The following IL7 variants were observed in gnomAD, a reference collection of about 807,000 sequenced individuals.
IL7 encodes interleukin-7.
IL7 carries 3 observed loss-of-function variants against 21.6 expected under a neutral mutation model. That is an observed-to-expected ratio of 0.14 (90% CI 0.06 to 0.36). The LOEUF (loss-of-function observed/expected upper bound fraction) is 0.36. Ranked by LOEUF, IL7 falls within the 10% of genes least tolerant of loss-of-function variation. IL7 has a pLI of 1.00. For synonymous variants in IL7, 62 were observed against 68.1 expected, an observed-to-expected ratio of 0.91 and a Z score of 0.44; for missense variants, 175 against 200.2, an observed-to-expected ratio of 0.87 and a Z score of 0.76.
intron 2 of IL7, chr8:78,761,489 A>G (rs1812554456): frequency 3.5e-5 from 57 of 1,611,698 alleles, no homozygotes; most frequent in Non-Finnish European, 4.7e-5. Flanking sequence ...CTCAGTTATC[A>G]TAGTGTGAAA....
At chr8:78,712,397 TA>T (rs1341378180) in intron 3 of IL7, among the ~76,000 whole-genome samples, 1 of 152,172 alleles carries the variant, frequency 6.6e-6, no homozygotes, top group Non-Finnish European at 1.5e-5. Context: ...AAGTTTTTTT[TA>T]GTAGTAATTA....
At chr8:78,718,228 A>G (rs1337643833) in intron 6 of IL7, 1 of 151,808 alleles carries the variant, frequency 6.6e-6, no homozygotes, top group Non-Finnish European at 1.5e-5. Context: ...TTTACTTCCA[A>G]TTGTTTTTCC....
downstream of IL7, chr8:78,717,230 C>G (rs958341488): frequency 4.0e-5 from 43 of 1,065,884 alleles, no homozygotes; most frequent in Non-Finnish European, 4.8e-5. Context: ...CGAGATTAAG[C>G]AGGCTAATTG....
At chr8:78,751,634 G>A (rs1420088492) in intron 2 of IL7, among the ~76,000 whole-genome samples, 1 of 151,990 alleles carries the variant, frequency 6.6e-6, no homozygotes, top group Non-Finnish European at 1.5e-5. Context: ...TTTATTTTTA[G>A]TTGACACAAT....
rs765908988 is a variant in IL7 at position 78,697,474 on chromosome 8, C to T, written n.215-11527G>A. On this transcript the variant is annotated intron_variant and non_coding_transcript_variant, in intron 3 of 4. Coordinates refer to the IL7 transcript ENST00000523959. Reference sequence around the variant, plus strand: ...GCATCATCAGGATCTTCACGATTACCGCAGCCAAGTGGCGCTGGCAAAACT... The same window carrying T: ...GCATCATCAGGATCTTCACGATTACTGCAGCCAAGTGGCGCTGGCAAAACT... 7.5e-6 allele frequency: 12 copies of T among 1,609,222 alleles called. No individual in the cohort carries two copies. Among genetic ancestry groups the T allele is most frequent in the Admixed American group, 6.9e-5 (4 of 58,162 alleles).
intron 1 of IL7, among the ~76,000 whole-genome samples, chr8:78,803,775 C>T (rs1218793610): frequency 6.6e-6 from 1 of 152,120 alleles, no homozygotes; most frequent in East Asian, 1.9e-4. Flanking sequence ...TATTAAGCTC[C>T]GGGAGGACAT....
chr8:78,783,387 C>A (rs557700633), intron 2 of IL7, among the ~76,000 whole-genome samples: 1 of 152,284 alleles, frequency 6.6e-6, no homozygotes, highest in East Asian at 1.9e-4. Flanking sequence ...TTACTCCACT[C>A]TGATTTCTTT....
downstream of IL7, among the ~76,000 whole-genome samples, chr8:78,714,472 G>C (rs1056436367): frequency 1.3e-5 from 2 of 152,112 alleles, no homozygotes; most frequent in African/African-American, 4.8e-5. Flanking sequence ...CTTTCTATAA[G>C]TGATCATTTT....
intron 2 of IL7, among the ~76,000 whole-genome samples, chr8:78,790,369 T>C (rs1813647453): frequency 6.6e-6 from 1 of 152,150 alleles, no homozygotes; most frequent in Non-Finnish European, 1.5e-5. Context: ...CATATTGATA[T>C]CAAAAAGTAC....
intron 2 of IL7, among the ~76,000 whole-genome samples, chr8:78,791,167 A>C (rs1202014869): frequency 6.6e-6 from 1 of 152,168 alleles, no homozygotes; most frequent in Non-Finnish European, 1.5e-5. Context: ...TTTATAGGAA[A>C]ACTATTTCTG....
intron 3 of IL7, among the ~76,000 whole-genome samples, chr8:78,691,690 G>T (rs1437198982): frequency 6.6e-6 from 1 of 150,902 alleles, no homozygotes; most frequent in Non-Finnish European, 1.5e-5. Context: ...TTTCTTTTTT[G>T]GCTTTCTAGC....
intron 5 of IL7, among the ~76,000 whole-genome samples, chr8:78,720,738 T>G (rs1165094479): frequency 6.6e-6 from 1 of 151,942 alleles, no homozygotes; most frequent in Non-Finnish European, 1.5e-5. Context: ...TAATTACACT[T>G]CATGATATTT....
intron 4 of IL7, among the ~76,000 whole-genome samples, chr8:78,681,750 T>C (rs1348508388): frequency 2.0e-5 from 3 of 152,134 alleles, no homozygotes; most frequent in African/African-American, 7.2e-5. Context: ...GGTATCTGTT[T>C]TGTTGTGTTT....
chr8:78,804,037 A>G (rs1814194675), intron 1 of IL7, among the ~76,000 whole-genome samples: 1 of 152,074 alleles, frequency 6.6e-6, no homozygotes, highest in South Asian at 2.1e-4. Flanking sequence ...TCCTAAGCAG[A>G]TCTTTTCCCC....
intron 3 of IL7, among the ~76,000 whole-genome samples, chr8:78,696,791 G>A (rs554548726): frequency 1.3e-5 from 2 of 152,076 alleles, no homozygotes; most frequent in Admixed American, 6.5e-5. Context: ...GTCATCTTAC[G>A]GTTTTTATCA....
intron 2 of IL7, chr8:78,760,494 A>C: frequency 6.5e-7 from 1 of 1,539,712 alleles, no homozygotes; most frequent in South Asian, 1.3e-5. Flanking sequence ...TTGATTCCCC[A>C]ACAATGAAGC....
chr8:78,753,960 C>T (rs898764389), intron 2 of IL7, among the ~76,000 whole-genome samples: 1 of 151,786 alleles, frequency 6.6e-6, no homozygotes, highest in Non-Finnish European at 1.5e-5. Context: ...CCATGCTGTT[C>T]GGTTACATTT....
At chr8:78,678,783 C>T (rs540380839) in intron 4 of IL7, 92 of 610,796 alleles carry the variant, frequency 1.5e-4, no homozygotes, top group Admixed American at 3.9e-4. Flanking sequence ...CAATTATCTG[C>T]TACATTAAGA....
At chr8:78,712,001 A>G in intron 3 of IL7, 1 of 1,289,608 alleles carries the variant, frequency 7.8e-7, no homozygotes, top group Admixed American at 2.3e-5. Context: ...AATATGGACA[A>G]GTTAGGCCCT....
Sources: allele counts gnomAD v4.1 joint callset (sites outside exome capture counted in the v4.1 genomes callset), GRCh38; gene constraint gnomAD v4.1.1; transcripts MANE v1.5; gene names NCBI Gene and HGNC (gene_info 2026-07-23, HGNC 2026-07-21).